GPHN: variants seen among roughly 807,000 people sequenced by gnomAD.
The protein encoded by GPHN is gephyrin.
A neutral mutation model predicts 95.5 loss-of-function variants in GPHN; 17 were observed. The observed-to-expected ratio is 0.18, with a 90% CI of 0.12 to 0.27. GPHN has a LOEUF of 0.27. Among genes scored for constraint, GPHN ranks in the 10% least tolerant of loss-of-function variants. The pLI is 1.00. For missense variants in GPHN, 660 were observed against 978.1 expected, an observed-to-expected ratio of 0.67 and a Z score of 4.34; for synonymous variants, 320 against 322.5, an observed-to-expected ratio of 0.99 and a Z score of 0.08.
the GPHN span, chr14:67,395,350 C>G: frequency 6.4e-7 from 1 of 1,554,788 alleles, no homozygotes; most frequent in Non-Finnish European, 8.8e-7. Context: ...CCCCTGCCCA[C>G]CCAACACAGG....
chr14:67,358,467 C>G, the GPHN span, among the ~76,000 whole-genome samples: 1 of 152,098 alleles, frequency 6.6e-6, no homozygotes, highest in Non-Finnish European at 1.5e-5. Flanking sequence ...ACAAAACACC[C>G]CCACAGAGAT....
the GPHN span, among the ~76,000 whole-genome samples, chr14:67,283,525 T>C: frequency 2.6e-5 from 4 of 152,218 alleles, no homozygotes; most frequent in Non-Finnish European, 4.4e-5. Context: ...GTTGATTATT[T>C]TTACTATCAA....
the GPHN span, among the ~76,000 whole-genome samples, chr14:67,689,154 C>T: frequency 1.3e-5 from 2 of 152,324 alleles, no homozygotes; most frequent in African/African-American, 2.4e-5. Context: ...CCTTATCTAT[C>T]CTAAACTGAT....
At chr14:67,070,982 A>G (rs2076280465) in intron 11 of GPHN, among the ~76,000 whole-genome samples, 1 of 152,092 alleles carries the variant, frequency 6.6e-6, no homozygotes, top group Admixed American at 6.5e-5. Flanking sequence ...GTCAGGAAAC[A>G]ACAGGTGCTG....
the GPHN span, among the ~76,000 whole-genome samples, chr14:67,460,190 A>G: frequency 1.3e-5 from 2 of 152,104 alleles, no homozygotes; most frequent in African/African-American, 2.4e-5. Context: ...TCATTCAGCA[A>G]AAGGGATGGT....
At chr14:67,660,259 T>A in the GPHN span, 4 of 169,160 alleles carry the variant, frequency 2.4e-5, no homozygotes, top group African/African-American at 9.5e-5. Flanking sequence ...ATTTCATATA[T>A]AAGACTTAAA....
At chr14:67,573,830 A>G in the GPHN span, 1 of 1,613,728 alleles carries the variant, frequency 6.2e-7, no homozygotes, top group African/African-American at 1.3e-5. The surrounding 1 kb of genome is among the most constrained non-coding windows in gnomAD (Gnocchi z 4.8). Context: ...CTCAAGGCCA[A>G]GTGGATCTGA....
At chr14:67,543,676 C>T in the GPHN span, among the ~76,000 whole-genome samples, 7 of 150,154 alleles carry the variant, frequency 4.7e-5, no homozygotes, top group Non-Finnish European at 7.4e-5. Context: ...GGAGGAGGGA[C>T]GAAAAGGAAG....
chr14:67,413,276 T>A, the GPHN span, among the ~76,000 whole-genome samples: 1 of 152,020 alleles, frequency 6.6e-6, no homozygotes, highest in Non-Finnish European at 1.5e-5. Flanking sequence ...AAAATTTATT[T>A]TTATTTATAG....
chr14:67,199,769 A>G, the GPHN span: 21 of 1,538,362 alleles, frequency 1.4e-5, no homozygotes, highest in Non-Finnish European at 1.9e-5. Flanking sequence ...TCCACCAGGC[A>G]TGCCTCCTCC....
the GPHN span, among the ~76,000 whole-genome samples, chr14:67,200,932 C>G: frequency 1.3e-5 from 2 of 152,168 alleles, no homozygotes; most frequent in South Asian, 2.1e-4. Flanking sequence ...GATGCACAAC[C>G]CCACCTGGTT....
At chr14:67,175,986 T>C (rs2082918224) in intron 21 of GPHN, among the ~76,000 whole-genome samples, 2 of 152,196 alleles carry the variant, frequency 1.3e-5, no homozygotes, top group East Asian at 1.9e-4. Flanking sequence ...GCTGAGACAG[T>C]GGGGTTTTCT....
At chr14:66,834,459 A>G (rs55768482) in intron 4 of GPHN, among the ~76,000 whole-genome samples, 1 of 152,020 alleles carries the variant, frequency 6.6e-6, no homozygotes, top group African/African-American at 2.4e-5. Context: ...AGAGTTTTTA[A>G]TATGAAAGTT....
chr14:67,408,304 T>TAAAAG, the GPHN span, among the ~76,000 whole-genome samples: 1 of 69,152 alleles, frequency 1.4e-5, no homozygotes, highest in African/African-American at 4.4e-5. Context: ...ATAAATAAAA[T>TAAAAG]AAAATAAAAT....
the GPHN span, among the ~76,000 whole-genome samples, chr14:67,663,360 A>G: frequency 1.3e-5 from 2 of 152,184 alleles, no homozygotes; most frequent in African/African-American, 2.4e-5. Flanking sequence ...TTTACATGAA[A>G]TAAGTTGACA....
chr14:66,532,859 A>C (rs1293703992), intron 1 of GPHN, among the ~76,000 whole-genome samples: 2 of 152,150 alleles, frequency 1.3e-5, no homozygotes, highest in East Asian at 3.8e-4. Flanking sequence ...AATTATTTAC[A>C]TATTACCATT....
the GPHN span, among the ~76,000 whole-genome samples, chr14:67,475,550 A>G: frequency 6.6e-6 from 1 of 151,722 alleles, no homozygotes; most frequent in Non-Finnish European, 1.5e-5. Context: ...CACCCCAAAC[A>G]CTTGTTATTT....
intron 8 of GPHN, among the ~76,000 whole-genome samples, chr14:66,954,002 G>A (rs557422334): frequency 6.0e-5 from 9 of 149,272 alleles, no homozygotes; most frequent in African/African-American, 2.2e-4. Context: ...GCGATTGCAC[G>A]CGAGCCTGGG....
At chr14:67,552,680 T>G in the GPHN span, among the ~76,000 whole-genome samples, 1 of 150,364 alleles carries the variant, frequency 6.7e-6, no homozygotes, top group South Asian at 2.1e-4. Flanking sequence ...GGCAGGAGAA[T>G]GGCGGGAACC....
Sources: gnomAD v4.1 joint callset for allele counts (sites outside exome capture counted in the v4.1 genomes callset) on GRCh38, gnomAD v4.1.1 for gene constraint, Gnocchi (gnomAD v3.1) non-coding constraint, MANE v1.5 for transcripts, NCBI Gene and HGNC (gene_info 2026-07-23, HGNC 2026-07-21) for gene names.